NEXMIF: variants seen among roughly 807,000 people sequenced by gnomAD.
NEXMIF encodes XLMR protein related to neurite extension.
NEXMIF carries 8 observed loss-of-function variants against 62.1 expected under a neutral mutation model. That is an observed-to-expected ratio of 0.13 (90% CI 0.08 to 0.23). NEXMIF has a LOEUF of 0.23. Among genes scored for constraint, NEXMIF ranks in the 10% least tolerant of loss-of-function variants. The pLI is 1.00. For synonymous variants in NEXMIF, 404 were observed against 416.6 expected (o/e 0.97, Z 0.37); for missense variants, 976 against 1,113.3 (o/e 0.88, Z 1.75).
intron 1 of NEXMIF, among the ~76,000 whole-genome samples, chrX:74,827,564 A>G (rs1193739837): frequency 8.9e-6 from 1 of 112,384 alleles, no homozygotes; most frequent in Non-Finnish European, 1.9e-5. Context: ...TTCCAACTGG[A>G]CAGGTACTTA....
intron 1 of NEXMIF, among the ~76,000 whole-genome samples, chrX:74,753,713 A>ACG (rs1203569934): frequency 3.3e-5 from 3 of 90,526 alleles, no homozygotes; most frequent in Admixed American, 1.3e-4. Context: ...ACACACACAC[A>ACG]CGCACACACA....
chrX:74,918,681 T>A (rs756230056), intron 1 of NEXMIF, among the ~76,000 whole-genome samples: 1 of 112,428 alleles, frequency 8.9e-6, no homozygotes, highest in South Asian at 3.7e-4. Context: ...AATATAATCA[T>A]GAAATGTGGA....
intron 2 of NEXMIF, among the ~76,000 whole-genome samples, chrX:74,744,725 C>T (rs1227682917): frequency 9.0e-6 from 1 of 111,573 alleles, no homozygotes; most frequent in East Asian, 2.8e-4. Context: ...GCAAAGCTCT[C>T]CTCAGAAATG....
intron 1 of NEXMIF, among the ~76,000 whole-genome samples, chrX:74,746,856 A>G (rs938138016): frequency 8.9e-6 from 1 of 112,878 alleles, no homozygotes; most frequent in Admixed American, 9.4e-5. Flanking sequence ...CTCATTTTAT[A>G]TGAGATCTGA....
rs777225840 is a variant in NEXMIF, at chrX:74,900,691, T to C, written c.-48+24192A>G. Among the ~76,000 whole-genome samples, 56 of 110,955 alleles carry C rather than the reference T, an allele frequency of 5.0e-4. 1 individual carries two copies. The highest frequency in any genetic ancestry group is 1.3e-3 in the Admixed American group (14 of 10,440). Reference sequence around the variant, plus strand: ...ATACTCAAAATTATTGAAGGCAGGGTCTTGAAGAGATATTTGTACACCCAT... The same window carrying C: ...ATACTCAAAATTATTGAAGGCAGGGCCTTGAAGAGATATTTGTACACCCAT... On this transcript the variant is annotated intron_variant, in intron 1 of 3. Coordinates refer to ENST00000055682, the MANE Select transcript of NEXMIF (RefSeq NM_001008537.3).
At chrX:74,796,239 T>TAC (rs1569345267) in intron 1 of NEXMIF, among the ~76,000 whole-genome samples, 1 of 59,815 alleles carries the variant, frequency 1.7e-5, no homozygotes, top group Non-Finnish European at 3.0e-5. Context: ...AATATATATA[T>TAC]ATATACACAT....
intron 1 of NEXMIF, among the ~76,000 whole-genome samples, chrX:74,921,290 G>C (rs1485673240): frequency 1.8e-5 from 2 of 110,891 alleles, no homozygotes; most frequent in Non-Finnish European, 3.8e-5. Context: ...GTCCATAAAA[G>C]ACTCTATCAT....
chrX:74,757,825 G>T (rs1470190303), intron 1 of NEXMIF, among the ~76,000 whole-genome samples: 1 of 111,208 alleles, frequency 9.0e-6, no homozygotes, highest in Non-Finnish European at 1.9e-5. Context: ...TGAGCGGTGG[G>T]GGTTAGGAAC....
chrX:74,873,939 G>T lies in NEXMIF; in HGVS notation c.-48+50944C>A, dbSNP rs376833026. ...TGCAAAAATTTTCTCCCATTTTGTAGGCTGCCTGTTCACTCTGATGGTAGT... is the reference window on the plus strand; with the variant it reads ...TGCAAAAATTTTCTCCCATTTTGTATGCTGCCTGTTCACTCTGATGGTAGT... On this transcript the variant is annotated intron_variant, in intron 1 of 3. Transcript: ENST00000055682. Among the ~76,000 whole-genome samples the T allele has an allele frequency of 2.7e-5, 3 of 111,150 alleles. No homozygotes were observed. In the East Asian group the frequency reaches 8.5e-4, roughly 32 times the overall value.
Position 74,744,054 on chromosome X carries a change from C to G in NEXMIF, c.503G>C (p.Gly168Ala), listed in dbSNP as rs2080117537. The G allele has an allele frequency of 8.3e-7, 1 of 1,209,517 alleles. No homozygotes were observed. The highest frequency in any genetic ancestry group is 1.8e-5 in the African/African-American group (1 of 57,053). ...CGTTTCATAATCCCTATTTAGATCA[C>G]CAACTTTCAGACTGATCCCTGGCTC... The part of the protein sequence containing the change: ...DPEPGISLKV[G>A]DLNRDYETCA... The change falls in exon 3 of 4, where the codon GGT (glycine) becomes GCT (alanine). Residue 168 changes from glycine to alanine, a missense_variant. This residue lies in a region of NEXMIF where 126 missense variants were observed against 146.5 expected (regional missense o/e 0.86). Transcript: ENST00000055682.
intron 1 of NEXMIF, among the ~76,000 whole-genome samples, chrX:74,793,600 C>G (rs2080294036): frequency 9.0e-6 from 1 of 110,742 alleles, no homozygotes; most frequent in South Asian, 3.8e-4. Context: ...CTCCCCGTCA[C>G]TTTCAGGTAC....
At position 74,742,440 on chromosome X, in the gene NEXMIF, T is replaced by C; in HGVS notation, c.2117A>G (p.Asp706Gly). ...GPDSVKVKAQDTEFKGPERKV... is the reference protein window; with the variant it reads ...GPDSVKVKAQGTEFKGPERKV... ...CCTCTCTGGCCCCTTAAACTCTGTG[T>C]CTTGGGCTTTGACTTTCACTGAGTC... Residue 706 changes from aspartate (D) to glycine (G), a missense_variant, in exon 3 of 4, where the codon GAC becomes GGC. By Grantham distance (94) the Asp-to-Gly change is moderately conservative. This residue lies in a region of NEXMIF where 639 missense variants were observed against 694.5 expected (regional missense o/e 0.92). Coordinates refer to ENST00000055682, the MANE Select transcript of NEXMIF (RefSeq NM_001008537.3). 8.3e-7 allele frequency: 1 copy of C among 1,211,125 alleles called. No homozygotes were observed. Among genetic ancestry groups the C allele is most frequent in the Non-Finnish European group, 1.1e-6 (1 of 895,222 alleles).
In NEXMIF at chrX:74,742,283, A is replaced by G; in HGVS notation, c.2274T>C (p.Asn758=). 1.7e-6 allele frequency: 2 copies of G among 1,211,836 alleles called. No individual in the cohort carries two copies. The highest frequency in any genetic ancestry group is 2.2e-6 in the Non-Finnish European group (2 of 895,497). The part of the protein sequence containing the change: ...PLLENQSSKA[N]LKNEVIPGTS... ...TCCCAGGAATAACTTCATTCTTTAAATTAGCCTTTGAGGATTGGTTTTCCA... is the reference window on the plus strand; with the variant it reads ...TCCCAGGAATAACTTCATTCTTTAAGTTAGCCTTTGAGGATTGGTTTTCCA... Residue 758 remains asparagine, a synonymous_variant, in exon 3 of 4, where the codon AAT becomes AAC. Coordinates refer to ENST00000055682, the MANE Select transcript of NEXMIF (RefSeq NM_001008537.3).
chrX:74,823,961 T>C (rs910220769), intron 1 of NEXMIF, among the ~76,000 whole-genome samples: 4 of 111,564 alleles, frequency 3.6e-5, no homozygotes, highest in African/African-American at 1.3e-4. Context: ...TTTAGAGTTG[T>C]ATTTCAGAGA....
intron 1 of NEXMIF, among the ~76,000 whole-genome samples, chrX:74,897,002 CA>C (rs2080734974): frequency 8.9e-6 from 1 of 112,125 alleles, no homozygotes; most frequent in Non-Finnish European, 1.9e-5. Flanking sequence ...TACTAGCATA[CA>C]AAAATGATTT....
chrX:74,908,600 A>G (rs961632871), intron 1 of NEXMIF, among the ~76,000 whole-genome samples: 1 of 112,779 alleles, frequency 8.9e-6, no homozygotes, highest in African/African-American at 3.2e-5. Context: ...CAATAAACAA[A>G]TGGGTTTTTC....
Position 74,736,806 on chromosome X carries a change from C to T in NEXMIF, c.*2599G>A, listed in dbSNP as rs1164512293. On this transcript the variant is annotated 3_prime_UTR_variant, in exon 4 of 4. Transcript: ENST00000055682. ...ATTTATATATTAAAAACATATAATACACTGCAGGCCAATTAAAAAGGTACT... is the reference window on the plus strand; with the variant it reads ...ATTTATATATTAAAAACATATAATATACTGCAGGCCAATTAAAAAGGTACT... The T allele has an allele frequency of 8.9e-6, 1 of 112,207 alleles. No individual in the cohort carries two copies. The highest frequency in any genetic ancestry group is 1.9e-5 in the Non-Finnish European group (1 of 53,161). The allele number at this position is 112,207 out of a possible 1,213,427, so 9.2% of individuals were successfully genotyped here. A position where few individuals can be genotyped will look rare whatever the true frequency, so the allele number is the denominator to read the frequency against.
chrX:74,800,651 C>T (rs2080326913), intron 1 of NEXMIF, among the ~76,000 whole-genome samples: 2 of 109,890 alleles, frequency 1.8e-5, no homozygotes, highest in South Asian at 3.9e-4. Context: ...ATGTATCATC[C>T]TTTTTTAATA....
intron 1 of NEXMIF, among the ~76,000 whole-genome samples, chrX:74,859,928 T>A (rs1028410209): frequency 2.7e-5 from 3 of 109,991 alleles, no homozygotes; most frequent in Non-Finnish European, 5.7e-5. Flanking sequence ...TAACACCACC[T>A]AAGAAAATTA....
Sources: gnomAD v4.1 joint callset for allele counts (sites outside exome capture counted in the v4.1 genomes callset) on GRCh38, gnomAD v4.1.1 for gene constraint, gnomAD v4.1.1 regional missense constraint, MANE v1.5 for transcripts, NCBI Gene and HGNC (gene_info 2026-07-23, HGNC 2026-07-21) for gene names.